The following LRFN2 variants were observed in gnomAD, a reference collection of about 807,000 sequenced individuals.
LRFN2 encodes the protein leucine rich repeat and fibronectin type III domain containing 2.
A neutral mutation model predicts 37.3 loss-of-function variants in LRFN2; 18 were observed. The observed-to-expected ratio is 0.48, with a 90% CI of 0.33 to 0.72. LRFN2 has a LOEUF of 0.72. Among genes scored for constraint, LRFN2 ranks in the 30% least tolerant of loss-of-function variants. The pLI is 0.02. For missense variants in LRFN2, 1,006 were observed against 1,060.7 expected (o/e 0.95, Z 0.72); for synonymous variants, 556 against 466.6 (o/e 1.19, Z -2.47).
intron 1 of LRFN2, among the ~76,000 whole-genome samples, chr6:40,566,879 TATA>T (rs550658274): frequency 4.6e-5 from 7 of 151,600 alleles, no homozygotes; most frequent in Non-Finnish European, 5.9e-5. Flanking sequence ...AAACTTAAAG[TATA>T]ATAATAATAA....
At chr6:40,496,021 C>T (rs576735335) in intron 1 of LRFN2, among the ~76,000 whole-genome samples, 21 of 152,258 alleles carry the variant, frequency 1.4e-4, no homozygotes, top group African/African-American at 2.6e-4. Context: ...ATACATTCCC[C>T]GCTTGGAGCC....
chr6:40,426,736 A>C (rs6931355), intron 2 of LRFN2, among the ~76,000 whole-genome samples: 58,163 of 152,036 alleles, frequency 0.38, 12,608 homozygotes, highest in African/African-American at 0.59. Flanking sequence ...TAAGTCCTCT[A>C]ATCTCCAAGG....
chr6:40,453,551 CACA>C lies in LRFN2; in HGVS notation c.-18-20423_-18-20421del, dbSNP rs1561862301. 3.7e-3 allele frequency among the ~76,000 whole-genome samples: 550 copies of C among 147,726 alleles called. 5 individuals are homozygous for C. Among genetic ancestry groups the C allele is most frequent in the South Asian group, 0.018 (81 of 4,574 alleles). On this transcript the variant is annotated intron_variant, in intron 1 of 2. Transcript: ENST00000338305. ...ACACACACACACACACACACACACA[CACA>C]CCTCCCTTTGAGTTGACTTTGCAAA...
At chr6:40,435,029 A>ATATG (rs1763611831) in intron 1 of LRFN2, among the ~76,000 whole-genome samples, 1 of 83,948 alleles carries the variant, frequency 1.2e-5, no homozygotes, top group South Asian at 4.1e-4. Flanking sequence ...ATATATATAT[A>ATATG]TATATATATA....
intron 1 of LRFN2, among the ~76,000 whole-genome samples, chr6:40,576,512 T>C: frequency 6.6e-6 from 1 of 152,346 alleles, no homozygotes; most frequent in South Asian, 2.1e-4. Flanking sequence ...AACTCATGCC[T>C]CAAGCTGGGC....
rs768125656 is a variant in LRFN2 at position 40,470,799 on chromosome 6, G to A, written c.-18-37668C>T. Among the ~76,000 whole-genome samples the A allele has an allele frequency of 6.2e-4, 95 of 152,166 alleles. 1 individual carries two copies. The highest frequency in any genetic ancestry group is 2.3e-3 in the Admixed American group (35 of 15,280). On this transcript the variant is annotated intron_variant, in intron 1 of 2. Coordinates refer to ENST00000338305, the MANE Select transcript of LRFN2 (RefSeq NM_020737.3). Reference sequence around the variant, plus strand: ...GTCCTCACTATTCACATCCAACACAGGCACCTGCTGGGCCTGGACCCACCT... The same window carrying A: ...GTCCTCACTATTCACATCCAACACAAGCACCTGCTGGGCCTGGACCCACCT...
intron 1 of LRFN2, among the ~76,000 whole-genome samples, chr6:40,447,481 A>C (rs78344732): frequency 2.0e-5 from 3 of 152,110 alleles, no homozygotes; most frequent in Non-Finnish European, 4.4e-5. Context: ...CTAAATGGGG[A>C]CCTGAGTTTA....
intron 2 of LRFN2, among the ~76,000 whole-genome samples, chr6:40,406,135 C>T (rs1316782045): frequency 6.6e-6 from 1 of 152,212 alleles, no homozygotes; most frequent in Non-Finnish European, 1.5e-5. Context: ...CACTGACCAG[C>T]AGTGTGACCT....
At chr6:40,509,870 G>C (rs1309662675) in intron 1 of LRFN2, among the ~76,000 whole-genome samples, 2 of 151,706 alleles carry the variant, frequency 1.3e-5, no homozygotes, top group African/African-American at 4.8e-5. Flanking sequence ...GTATGCCAGG[G>C]AACACTGGGC....
intron 1 of LRFN2, among the ~76,000 whole-genome samples, chr6:40,460,934 A>G (rs1764333514): frequency 6.6e-6 from 1 of 152,200 alleles, no homozygotes; most frequent in Non-Finnish European, 1.5e-5. Flanking sequence ...AGCTGAGTCT[A>G]CGGAACAACT....
chr6:40,440,086 A>T (rs1581707050), intron 1 of LRFN2, among the ~76,000 whole-genome samples: 1 of 152,196 alleles, frequency 6.6e-6, no homozygotes, highest in Non-Finnish European at 1.5e-5. Context: ...AAACTTCTTC[A>T]TAAACCCGAT....
rs80032008 is a variant in LRFN2, at chr6:40,491,314, C to G, written c.-18-58183G>C. Among the ~76,000 whole-genome samples the G allele has an allele frequency of 1.6e-3, 238 of 152,306 alleles. 5 individuals carry two copies. In the East Asian group the frequency reaches 0.025, roughly 16 times the overall value. On this transcript the variant is annotated intron_variant, in intron 1 of 2. Coordinates refer to ENST00000338305, the MANE Select transcript of LRFN2 (RefSeq NM_020737.3). ...CCTGGGTGCCCATCTTAGAGTGCAC[C>G]TGGAGGGCAAGGAAAGAGAAAGGTG...
intron 2 of LRFN2, among the ~76,000 whole-genome samples, chr6:40,397,856 CT>C (rs1365443338): frequency 2.0e-5 from 3 of 147,664 alleles, no homozygotes; most frequent in African/African-American, 7.3e-5. Context: ...TGTAGTGTGG[CT>C]CACAGATGGA....
In LRFN2 at chr6:40,392,147, G is replaced by C; in HGVS notation, c.2166C>G (p.His722Gln). ...LPLEGKAKRS[H>Q]SFDMGDFAAA... The stretch of plus-strand genomic sequence containing the variant: ...CAGCAAAGTCCCCCATGTCGAAGGA[G>C]TGGCTGCGTTTGGCCTTGCCCTCCA... Residue 722 changes from histidine to glutamine, a missense_variant, in exon 3 of 3, where the codon CAC becomes CAG. By Grantham distance (24) the His-to-Gln change is conservative. Transcript: ENST00000338305. The surrounding 1 kb of genome is among the most constrained non-coding windows in gnomAD (Gnocchi z 4.7). 12 of 1,609,988 alleles carry C rather than the reference G, an allele frequency of 7.5e-6. No individual in the cohort carries two copies. Among genetic ancestry groups the C allele is most frequent in the Middle Eastern group, 1.7e-4 (1 of 6,048 alleles).
chr6:40,487,748 G>A (rs1764998053), intron 1 of LRFN2, among the ~76,000 whole-genome samples: 2 of 152,226 alleles, frequency 1.3e-5, no homozygotes, highest in Admixed American at 6.5e-5. Flanking sequence ...TGAAACCAAA[G>A]GAAGCTACCA....
intron 1 of LRFN2, among the ~76,000 whole-genome samples, chr6:40,584,301 G>A (rs565542497): frequency 7.9e-5 from 12 of 152,206 alleles, no homozygotes; most frequent in Non-Finnish European, 8.8e-5. Flanking sequence ...ACATCTATTG[G>A]GTACATGCTA....
intron 1 of LRFN2, among the ~76,000 whole-genome samples, chr6:40,564,138 C>T (rs1767048196): frequency 6.6e-6 from 1 of 152,140 alleles, no homozygotes; most frequent in African/African-American, 2.4e-5. Context: ...ACCTAGGGTT[C>T]CAATGTGGGT....
At chr6:40,421,858 T>C (rs1763235749) in intron 2 of LRFN2, among the ~76,000 whole-genome samples, 1 of 152,228 alleles carries the variant, frequency 6.6e-6, no homozygotes, top group Admixed American at 6.5e-5. Flanking sequence ...AGATTTCTGC[T>C]ACTAGAAGCA....
At chr6:40,478,244 T>C (rs1490669682) in intron 1 of LRFN2, among the ~76,000 whole-genome samples, 2 of 152,216 alleles carry the variant, frequency 1.3e-5, no homozygotes, top group Non-Finnish European at 2.9e-5. Context: ...TGCTATCATC[T>C]TATTTGGTCC....
Sources: gnomAD v4.1 joint callset for allele counts (sites outside exome capture counted in the v4.1 genomes callset) on GRCh38, gnomAD v4.1.1 for gene constraint, Gnocchi (gnomAD v3.1) non-coding constraint, MANE v1.5 for transcripts, NCBI Gene and HGNC (gene_info 2026-07-23, HGNC 2026-07-21) for gene names.